PRLR: variants seen among roughly 807,000 people sequenced by gnomAD.
PRLR encodes the protein prolactin receptor, also known as hPRL receptor.
Under a neutral mutation model 40.2 loss-of-function variants are expected in PRLR, and 13 were observed. The observed-to-expected ratio is 0.32, with a 90% confidence interval of 0.21 to 0.51. PRLR has a LOEUF of 0.51. PRLR is among the 20% of genes least tolerant of loss of function. PRLR has a pLI of 0.97. For synonymous variants in PRLR, 269 were observed against 278.7 expected (o/e 0.97, Z 0.35); for missense variants, 656 against 747.3 (o/e 0.88, Z 1.42).
At chr5:35,191,522 G>A (rs1435726396) in intron 1 of PRLR, among the ~76,000 whole-genome samples, 1 of 152,174 alleles carries the variant, frequency 6.6e-6, no homozygotes, top group Non-Finnish European at 1.5e-5. Flanking sequence ...TGTTCTCCAT[G>A]TCATCTGTCT....
chr5:35,067,259 T>C (rs1769436358), intron 9 of PRLR, among the ~76,000 whole-genome samples: 1 of 152,232 alleles, frequency 6.6e-6, no homozygotes, highest in Non-Finnish European at 1.5e-5. Context: ...TTAAGAATAC[T>C]AACACATATT....
intron 1 of PRLR, among the ~76,000 whole-genome samples, chr5:35,179,848 T>C (rs1449516664): frequency 6.6e-6 from 1 of 152,184 alleles, no homozygotes; most frequent in African/African-American, 2.4e-5. Flanking sequence ...AAGACAATTT[T>C]TCCATGGACT....
chr5:35,221,401 A>C (rs956904165), intron 1 of PRLR, among the ~76,000 whole-genome samples: 3 of 152,234 alleles, frequency 2.0e-5, no homozygotes, highest in African/African-American at 7.2e-5. Flanking sequence ...TGATGAGGCT[A>C]CTGAGTGTGA....
At chr5:35,098,115 C>T (rs1327691318) in intron 2 of PRLR, among the ~76,000 whole-genome samples, 1 of 152,196 alleles carries the variant, frequency 6.6e-6, no homozygotes, top group African/African-American at 2.4e-5. Context: ...GAGAGGAGTA[C>T]ATATCCCACC....
intron 1 of PRLR, among the ~76,000 whole-genome samples, chr5:35,132,572 A>T: frequency 6.6e-6 from 1 of 152,212 alleles, no homozygotes; most frequent in Non-Finnish European, 1.5e-5. Context: ...ATTTTTTGCA[A>T]TTCAAAATAG....
intron 1 of PRLR, among the ~76,000 whole-genome samples, chr5:35,122,475 T>C (rs1385051604): frequency 6.6e-6 from 1 of 152,176 alleles, no homozygotes; most frequent in African/African-American, 2.4e-5. Flanking sequence ...ATCGTTCAGC[T>C]CCCACTTATA....
chr5:35,192,683 GA>G (rs771444107), intron 1 of PRLR, among the ~76,000 whole-genome samples: 24 of 152,182 alleles, frequency 1.6e-4, no homozygotes, highest in Admixed American at 1.2e-3. Flanking sequence ...AAATGAACAA[GA>G]AAATAAGATG....
At position 35,062,590 on chromosome 5, in the gene PRLR, C is replaced by T. The variant is rs1769109042; in HGVS notation, c.*2499G>A. ...GTCACATTTTTTCATACGTATTATACAAAATTATATGTCAAAAGCAGATTA... is the reference window on the plus strand; with the variant it reads ...GTCACATTTTTTCATACGTATTATATAAAATTATATGTCAAAAGCAGATTA... On this transcript the variant is annotated 3_prime_UTR_variant, in exon 10 of 10. Coordinates refer to ENST00000618457, the MANE Select transcript of PRLR (RefSeq NM_000949.7). The T allele has an allele frequency of 6.6e-6, 1 of 152,048 alleles. No homozygotes were observed. The highest frequency in any genetic ancestry group is 2.1e-4 in the South Asian group (1 of 4,822). 9.4% of individuals were successfully genotyped at this position (152,048 alleles called of 1,614,324 possible). A position where few individuals can be genotyped will look rare whatever the true frequency, so the allele number is the denominator to read the frequency against.
chr5:35,208,476 A>G (rs534191031), intron 1 of PRLR, among the ~76,000 whole-genome samples: 1 of 152,310 alleles, frequency 6.6e-6, no homozygotes, highest in South Asian at 2.1e-4. Context: ...TCTAAGTGGC[A>G]AAACCACCTG....
At chr5:35,201,360 G>A (rs1013733135) in intron 1 of PRLR, among the ~76,000 whole-genome samples, 2 of 152,112 alleles carry the variant, frequency 1.3e-5, no homozygotes, top group African/African-American at 4.8e-5. Flanking sequence ...GTGAGAGTAC[G>A]TTTATTATTT....
chr5:35,186,953 T>C (rs537997027), intron 1 of PRLR, among the ~76,000 whole-genome samples: 44 of 152,180 alleles, frequency 2.9e-4, no homozygotes, highest in Non-Finnish European at 1.6e-4. Flanking sequence ...CGCGGTGGCA[T>C]GTGGCTAGGA....
chr5:35,152,324 C>A (rs144794339), intron 1 of PRLR, among the ~76,000 whole-genome samples: 11 of 152,168 alleles, frequency 7.2e-5, no homozygotes, highest in African/African-American at 1.7e-4. Flanking sequence ...CATGGTAAGA[C>A]GCATGAATAA....
chr5:35,214,614 A>G (rs1776242574), intron 1 of PRLR, among the ~76,000 whole-genome samples: 2 of 152,340 alleles, frequency 1.3e-5, no homozygotes, highest in South Asian at 4.1e-4. Flanking sequence ...CCAATTTCTC[A>G]GTGGTACAGG....
In PRLR at chr5:35,063,263, A is replaced by G. The variant is rs1330655232; in HGVS notation, c.*1826T>C. The G allele has an allele frequency of 6.6e-6, 1 of 152,222 alleles. No homozygotes were observed. The highest frequency in any genetic ancestry group is 1.5e-5 in the Non-Finnish European group (1 of 68,044). 9.4% of individuals were successfully genotyped at this position (152,222 alleles called of 1,614,324 possible). Reference sequence around the variant, plus strand: ...TTTTGCCATTCTCAAAACATTGGCAATGTGTTCACTTTCAAACAGGAGGGG... The same window carrying G: ...TTTTGCCATTCTCAAAACATTGGCAGTGTGTTCACTTTCAAACAGGAGGGG... On this transcript the variant is annotated 3_prime_UTR_variant, in exon 10 of 10. Transcript: ENST00000618457.
chr5:35,208,579 A>G (rs996700108), intron 1 of PRLR, among the ~76,000 whole-genome samples: 1 of 152,224 alleles, frequency 6.6e-6, no homozygotes, highest in African/African-American at 2.4e-5. Flanking sequence ...CTAAACTGTA[A>G]TCACAAATGA....
intron 1 of PRLR, among the ~76,000 whole-genome samples, chr5:35,193,655 C>T (rs533867413): frequency 2.0e-5 from 3 of 152,302 alleles, no homozygotes; most frequent in Non-Finnish European, 4.4e-5. Flanking sequence ...GATTGCTGTA[C>T]CCCTTAGGCT....
At chr5:35,211,390 G>A (rs1199557577) in intron 1 of PRLR, among the ~76,000 whole-genome samples, 1 of 152,208 alleles carries the variant, frequency 6.6e-6, no homozygotes, top group Admixed American at 6.5e-5. Flanking sequence ...AAGACCTGAA[G>A]AGACAGTGAT....
intron 2 of PRLR, among the ~76,000 whole-genome samples, chr5:35,099,632 T>C (rs190650725): frequency 3.9e-5 from 6 of 152,296 alleles, no homozygotes; most frequent in Non-Finnish European, 8.8e-5. Flanking sequence ...GCTCCGTGCA[T>C]GCTATCATCC....
At chr5:35,072,769 T>G in intron 5 of PRLR, 25 bp from the exon 6 acceptor site, 1 of 1,607,554 alleles carries the variant, frequency 6.2e-7, no homozygotes, top group Non-Finnish European at 8.5e-7. Context: ...CAAATGCCAG[T>G]AGCACTCATT....
Sources: allele counts gnomAD v4.1 joint callset (sites outside exome capture counted in the v4.1 genomes callset), GRCh38; gene constraint gnomAD v4.1.1; transcripts MANE v1.5; gene names NCBI Gene and HGNC (gene_info 2026-07-23, HGNC 2026-07-21).